C1orf198: variants seen among roughly 807,000 people sequenced by gnomAD.
The protein encoded by C1orf198 is uncharacterized protein C1orf198.
In C1orf198, 17 loss-of-function variants were observed where a neutral mutation model predicts 31.4. That is an observed-to-expected ratio of 0.54 (90% CI 0.37 to 0.81). The LOEUF (loss-of-function observed/expected upper bound fraction) is 0.81. Ranked by LOEUF, C1orf198 falls within the 40% of genes least tolerant of loss-of-function variation. C1orf198 has a pLI of 0.00. For synonymous variants in C1orf198, 175 were observed against 193.8 expected (o/e 0.90, Z 0.81); for missense variants, 401 against 450.3 (o/e 0.89, Z 0.99).
At position 230,843,866 on chromosome 1, in the gene C1orf198, AT is replaced by A. The variant is rs1431331519; in HGVS notation, c.414del (p.Ser139ProfsTer72). 1 of 1,529,052 alleles carries A rather than the reference AT, an allele frequency of 6.5e-7. No homozygotes were observed. The highest frequency in any genetic ancestry group is 1.4e-5 in the African/African-American group (1 of 72,186). 94.7% of individuals were successfully genotyped at this position (1,529,052 alleles called of 1,614,324 possible). On this transcript the variant is annotated frameshift_variant, in exon 3 of 4. Transcript: ENST00000366663. LOFTEE classifies it high-confidence loss of function. This position sits in a 1 kb window ranked among gnomAD's most constrained non-coding sequence, Gnocchi z 4.9. ...KSQMEFSISA[L>X]SIQEPSNGTA... ...GTGCCGTTGCTCGGCTCCTGGATGG[AT>A]AGGGCGGAGATACTGAACTCCATCT...
At chr1:230,859,929 TG>T (rs977450289) in intron 1 of C1orf198, among the ~76,000 whole-genome samples, 34 of 152,168 alleles carry the variant, frequency 2.2e-4, no homozygotes, top group African/African-American at 7.0e-4. Flanking sequence ...ATAAAAAAAA[TG>T]GATACTGGAG....
intron 2 of C1orf198, among the ~76,000 whole-genome samples, chr1:230,849,544 T>C (rs755775851): frequency 6.6e-6 from 1 of 152,252 alleles, no homozygotes; most frequent in Non-Finnish European, 1.5e-5. Flanking sequence ...GGGCTGGGCG[T>C]CAGTCACCCC....
At position 230,843,475 on chromosome 1, in the gene C1orf198, T is replaced by A; in HGVS notation, c.806A>T (p.Gln269Leu). ...CTCGTGCAGTGCACTGCTGAAGGCCTGGACAGGCTGGGGTCTCTCACGTTC... is the reference window on the plus strand; with the variant it reads ...CTCGTGCAGTGCACTGCTGAAGGCCAGGACAGGCTGGGGTCTCTCACGTTC... ...STERERPQPV[Q>L]AFSSALHEAA... is the part of the protein sequence containing the mutation. Residue 269 changes from glutamine (Q) to leucine (L), a missense_variant, in exon 3 of 4, where the codon CAG (glutamine) becomes CTG (leucine). By Grantham distance (113) the Gln-to-Leu change is moderately radical. Coordinates refer to ENST00000366663, the MANE Select transcript of C1orf198 (RefSeq NM_032800.3). This position sits in a 1 kb window ranked among gnomAD's most constrained non-coding sequence, Gnocchi z 4.9. 1.2e-6 allele frequency: 2 copies of A among 1,611,406 alleles called. No homozygotes were observed. The highest frequency in any genetic ancestry group is 1.7e-6 in the Non-Finnish European group (2 of 1,178,842).
chr1:230,865,755 G>C (rs1465016865), intron 1 of C1orf198, among the ~76,000 whole-genome samples: 7 of 152,210 alleles, frequency 4.6e-5, no homozygotes, highest in African/African-American at 1.2e-4. Flanking sequence ...CAAGATCTGT[G>C]ATCAGCATCA....
Position 230,843,954 on chromosome 1 carries a change from C to A in C1orf198, c.385-58G>T. On this transcript the variant is annotated intron_variant, in intron 2 of 3. Coordinates refer to ENST00000366663, the MANE Select transcript of C1orf198 (RefSeq NM_032800.3). The surrounding 1 kb of genome is among the most constrained non-coding windows in gnomAD (Gnocchi z 4.9). ...GAAAGAGATCCTGAGAATCGACCGT[C>A]ACAAGTGTGCCAGCTCACGCACCCC... 6.8e-7 allele frequency: 1 copy of A among 1,480,006 alleles called. No individual in the cohort carries two copies. 91.7% of individuals were successfully genotyped at this position (1,480,006 alleles called of 1,614,324 possible). A position where few individuals can be genotyped will look rare whatever the true frequency, so the allele number is the denominator to read the frequency against.
chr1:230,848,620 C>T (rs1357648141), intron 2 of C1orf198, among the ~76,000 whole-genome samples: 1 of 152,170 alleles, frequency 6.6e-6, no homozygotes, highest in African/African-American at 2.4e-5. Flanking sequence ...CTTGAACATA[C>T]AGTCTCTGAT....
rs1669393073 is a variant in C1orf198 at position 230,839,628 on chromosome 1, C to A, written c.*224G>T. 4.3e-6 allele frequency: 2 copies of A among 461,376 alleles called. No homozygotes were observed. Among genetic ancestry groups the A allele is most frequent in the East Asian group, 8.7e-5 (2 of 23,116 alleles). 28.6% of individuals were successfully genotyped at this position (461,376 alleles called of 1,614,324 possible). A position where few individuals can be genotyped will look rare whatever the true frequency, so the allele number is the denominator to read the frequency against. ...GAATTATTAACAGACCTTAAAAATT[C>A]CAAATGGAAAACTTCTGTTATCAAA... On this transcript the variant is annotated 3_prime_UTR_variant, in exon 4 of 4. Transcript: ENST00000366663.
rs1467458781 is a variant in C1orf198 at position 230,843,838 on chromosome 1, G to A, written c.443C>T (p.Ala148Val). The A allele has an allele frequency of 6.4e-7, 1 of 1,551,620 alleles. No homozygotes were observed. Reference protein sequence around the residue: ...LSIQEPSNGTAASEPRPLSKA... With the variant: ...LSIQEPSNGTVASEPRPLSKA... Reference sequence around the variant, plus strand: ...GGACAGTGGTCTGGGCTCGCTGGCGGCGGTGCCGTTGCTCGGCTCCTGGAT... The same window carrying A: ...GGACAGTGGTCTGGGCTCGCTGGCGACGGTGCCGTTGCTCGGCTCCTGGAT... Residue 148 changes from alanine (A) to valine (V), a missense_variant, in exon 3 of 4, where the codon GCC (alanine) becomes GTC (valine). Ala to Val is a moderately conservative substitution (Grantham distance 64, BLOSUM62 0). Transcript: ENST00000366663. The surrounding 1 kb of genome is among the most constrained non-coding windows in gnomAD (Gnocchi z 4.9).
In C1orf198 at chr1:230,843,070, C is replaced by T. The variant is rs1454370092; in HGVS notation, c.927+284G>A. ...CCCTGGGCGCAGCGCCTTCCAGGGG[C>T]CTCTTCTGATAGCAGCCCGCGCACT... On this transcript the variant is annotated intron_variant, in intron 3 of 3. Coordinates refer to ENST00000366663, the MANE Select transcript of C1orf198 (RefSeq NM_032800.3). The surrounding 1 kb of genome is among the most constrained non-coding windows in gnomAD (Gnocchi z 4.9). 2.0e-5 allele frequency among the ~76,000 whole-genome samples: 3 copies of T among 152,280 alleles called. No individual in the cohort carries two copies. Among genetic ancestry groups the T allele is most frequent in the African/African-American group, 7.2e-5 (3 of 41,482 alleles).
chr1:230,867,312 C>T (rs1345276751), intron 1 of C1orf198, among the ~76,000 whole-genome samples: 1 of 152,178 alleles, frequency 6.6e-6, no homozygotes, highest in Non-Finnish European at 1.5e-5. Context: ...AGTTTCTGAA[C>T]CCTACAGAAG....
intron 1 of C1orf198, 103 bp from the exon 2 acceptor site, chr1:230,855,821 C>T (rs1252894875): frequency 6.6e-7 from 1 of 1,526,512 alleles, no homozygotes; most frequent in Non-Finnish European, 8.8e-7. Context: ...GGAATAATCC[C>T]AACTCCTGGC....
At position 230,840,208 on chromosome 1, in the gene C1orf198, T is replaced by C. The variant is rs779678427; in HGVS notation, c.928-300A>G. Reference sequence around the variant, plus strand: ...TCTGTATTTTTCTATAAATCTTTTCTGTTTCTGAATGACAGCCATGTTTAA... The same window carrying C: ...TCTGTATTTTTCTATAAATCTTTTCCGTTTCTGAATGACAGCCATGTTTAA... On this transcript the variant is annotated intron_variant, in intron 3 of 3. Transcript: ENST00000366663. The surrounding 1 kb of genome is among the most constrained non-coding windows in gnomAD (Gnocchi z 4.0). 6.6e-6 allele frequency among the ~76,000 whole-genome samples: 1 copy of C among 152,246 alleles called. No homozygotes were observed. The highest frequency in any genetic ancestry group is 1.5e-5 in the Non-Finnish European group (1 of 68,044).
At chr1:230,850,119 C>T (rs1011636922) in intron 2 of C1orf198, among the ~76,000 whole-genome samples, 2 of 152,184 alleles carry the variant, frequency 1.3e-5, no homozygotes, top group Non-Finnish European at 2.9e-5. Flanking sequence ...CCATTCTGGG[C>T]TCATCATCTC....
At chr1:230,860,872 C>T (rs1669990491) in intron 1 of C1orf198, among the ~76,000 whole-genome samples, 2 of 152,054 alleles carry the variant, frequency 1.3e-5, no homozygotes, top group Admixed American at 1.3e-4. Flanking sequence ...GTGGTTAAAA[C>T]GGTAAATTTT....
intron 1 of C1orf198, chr1:230,855,952 C>A: frequency 7.6e-7 from 1 of 1,315,914 alleles, no homozygotes; most frequent in Non-Finnish European, 9.7e-7. Context: ...AAACAGACAA[C>A]AGGGAATGCC....
chr1:230,868,489 G>T lies in C1orf198; in HGVS notation c.24C>A (p.Ile8=). 1 of 1,481,958 alleles carries T rather than the reference G, an allele frequency of 6.7e-7. No individual in the cohort carries two copies. The allele number at this position is 1,481,958 out of a possible 1,614,324, so 91.8% of individuals were successfully genotyped here. A position where few individuals can be genotyped will look rare whatever the true frequency, so the allele number is the denominator to read the frequency against. The stretch of plus-strand genomic sequence containing the variant: ...TCATGACCGCCGAGCGCGAAGCCGC[G>T]ATCGCCGCCGCCATGGACGCCATGC... MASMAAA[I]AASRSAVMSG... Residue 8 remains isoleucine (I), a synonymous_variant, in exon 1 of 4, where the codon ATC becomes ATA. Coordinates refer to ENST00000366663, the MANE Select transcript of C1orf198 (RefSeq NM_032800.3).
intron 1 of C1orf198, among the ~76,000 whole-genome samples, chr1:230,863,589 T>G (rs937263358): frequency 4.6e-5 from 7 of 152,190 alleles, no homozygotes; most frequent in African/African-American, 1.7e-4. Flanking sequence ...TGGCTGCCAC[T>G]GGGCCACCCT....
intron 1 of C1orf198, 162 bp from the exon 2 acceptor site, chr1:230,855,880 T>C: frequency 7.1e-7 from 1 of 1,409,358 alleles, no homozygotes; most frequent in Non-Finnish European, 9.3e-7. Context: ...GCGCTGACCG[T>C]CTTGATCAGA....
rs939175765 is a variant in C1orf198, at chr1:230,837,878, A to C, written c.*1974T>G. The C allele has an allele frequency of 1.3e-5, 2 of 152,236 alleles. No individual in the cohort carries two copies. The highest frequency in any genetic ancestry group is 2.9e-5 in the Non-Finnish European group (2 of 68,030). The allele number at this position is 152,236 out of a possible 1,614,324, so 9.4% of individuals were successfully genotyped here. ...ATAATTCCTACAGCCCTCAGCACCA[A>C]GAAGAACTTGGAGGGAATATTGGGC... On this transcript the variant is annotated 3_prime_UTR_variant, in exon 4 of 4. Transcript: ENST00000366663.
Sources: gnomAD v4.1 joint callset for allele counts (sites outside exome capture counted in the v4.1 genomes callset) on GRCh38, gnomAD v4.1.1 for gene constraint, Gnocchi (gnomAD v3.1) non-coding constraint, MANE v1.5 for transcripts, NCBI Gene and HGNC (gene_info 2026-07-23, HGNC 2026-07-21) for gene names.